Variants in STARD13 observed in about 807,000 individuals in gnomAD.
STARD13 encodes StAR related lipid transfer domain containing 13.
Under a neutral mutation model 106.4 loss-of-function variants are expected in STARD13, and 62 were observed. That is an observed-to-expected ratio of 0.58 (90% CI 0.48 to 0.72). STARD13 has a LOEUF of 0.72. Ranked by LOEUF, STARD13 falls within the 30% of genes least tolerant of loss-of-function variation. The pLI, the probability that STARD13 is intolerant of heterozygous loss-of-function variation, is 0.00. For synonymous variants in STARD13, 565 were observed against 553.0 expected, an observed-to-expected ratio of 1.02 and a Z score of -0.31; for missense variants, 1,387 against 1,424.0, an observed-to-expected ratio of 0.97 and a Z score of 0.42.
chr13:33,632,858 G>A, the STARD13 span, among the ~76,000 whole-genome samples: 6 of 149,602 alleles, frequency 4.0e-5, no homozygotes, highest in African/African-American at 9.9e-5. Context: ...TAAGCAAGAC[G>A]TAATTTCTTT....
chr13:33,377,988 TA>T, the STARD13 span, among the ~76,000 whole-genome samples: 2 of 152,184 alleles, frequency 1.3e-5, no homozygotes, highest in African/African-American at 2.4e-5. Flanking sequence ...GGTAATTTCT[TA>T]GTGGCTGGAT....
intron 4 of STARD13, among the ~76,000 whole-genome samples, chr13:33,142,076 T>G (rs1879906217): frequency 6.6e-6 from 1 of 152,140 alleles, no homozygotes; most frequent in African/African-American, 2.4e-5. Context: ...TCACCCAGGT[T>G]GAAGTGCAGT....
the STARD13 span, among the ~76,000 whole-genome samples, chr13:33,519,144 G>T: frequency 6.6e-6 from 1 of 151,996 alleles, no homozygotes; most frequent in African/African-American, 2.4e-5. Context: ...TCTTCAGCAA[G>T]AATCCTCTCA....
the STARD13 span, among the ~76,000 whole-genome samples, chr13:33,525,116 G>A: frequency 1.0e-3 from 154 of 152,036 alleles, 1 homozygote; most frequent in African/African-American, 3.6e-3. Context: ...TAAACTCCCA[G>A]GCTAAAGCAA....
the STARD13 span, among the ~76,000 whole-genome samples, chr13:33,668,970 A>G: frequency 6.6e-6 from 1 of 152,232 alleles, no homozygotes; most frequent in African/African-American, 2.4e-5. Flanking sequence ...CTGACAGGTA[A>G]TACTAATATT....
chr13:33,563,149 G>C, the STARD13 span, among the ~76,000 whole-genome samples: 1 of 146,426 alleles, frequency 6.8e-6, no homozygotes, highest in Admixed American at 7.0e-5. Context: ...AATTAATATT[G>C]TTATGACAAG....
At chr13:33,251,756 A>G (rs892304005) in intron 1 of STARD13, among the ~76,000 whole-genome samples, 2 of 152,224 alleles carry the variant, frequency 1.3e-5, no homozygotes, top group Non-Finnish European at 2.9e-5. Context: ...GGTAAGCTAT[A>G]ATGAAATACA....
chr13:33,499,546 C>CT, the STARD13 span, among the ~76,000 whole-genome samples: 89 of 52,336 alleles, frequency 1.7e-3, 5 homozygotes, highest in Non-Finnish European at 2.8e-3. Flanking sequence ...TCTTCTTCTT[C>CT]TTCTTCTTCT....
At chr13:33,333,010 TA>T (rs2077854585) in intron 1 of STARD13, among the ~76,000 whole-genome samples, 1 of 152,094 alleles carries the variant, frequency 6.6e-6, no homozygotes, top group African/African-American at 2.4e-5. Flanking sequence ...TTAAACTCTA[TA>T]ATAATAATGA....
At chr13:33,400,146 A>G in the STARD13 span, among the ~76,000 whole-genome samples, 1 of 152,050 alleles carries the variant, frequency 6.6e-6, no homozygotes, top group Admixed American at 6.6e-5. Context: ...CCCACTCCCC[A>G]TCCCCTGGTA....
the STARD13 span, among the ~76,000 whole-genome samples, chr13:33,356,862 T>C: frequency 2.6e-5 from 4 of 152,150 alleles, no homozygotes; most frequent in African/African-American, 7.2e-5. Flanking sequence ...GGTACGAGAA[T>C]AGGATTCACA....
At chr13:33,359,911 A>C in the STARD13 span, among the ~76,000 whole-genome samples, 1 of 152,190 alleles carries the variant, frequency 6.6e-6, no homozygotes, top group African/African-American at 2.4e-5. Context: ...CTTATATTTA[A>C]ATCTATCATT....
rs151261161 is a variant in STARD13, at chr13:33,132,126, C to G, written c.388-1837G>C. Among the ~76,000 whole-genome samples the G allele has an allele frequency of 2.8e-3, 421 of 152,270 alleles. 4 individuals are homozygous for G. The highest frequency in any genetic ancestry group is 9.0e-3 in the African/African-American group (373 of 41,552). ...CGTGTAGGTTTGACTAAATGACAAA[C>G]TTGAACATTCAAGTTTAAAGTGAAA... On this transcript the variant is annotated intron_variant, in intron 4 of 13. Transcript: ENST00000336934.
At chr13:33,548,775 C>T in the STARD13 span, among the ~76,000 whole-genome samples, 1 of 151,184 alleles carries the variant, frequency 6.6e-6, no homozygotes, top group African/African-American at 2.4e-5. Flanking sequence ...ACTGCAATGC[C>T]CTGAATATAG....
the STARD13 span, among the ~76,000 whole-genome samples, chr13:33,394,583 G>A: frequency 3.9e-5 from 6 of 152,262 alleles, no homozygotes; most frequent in East Asian, 7.7e-4. Context: ...GAGGATTTAC[G>A]AGGATGTTTA....
At chr13:33,589,486 C>A in the STARD13 span, among the ~76,000 whole-genome samples, 1 of 152,282 alleles carries the variant, frequency 6.6e-6, no homozygotes, top group South Asian at 2.1e-4. Flanking sequence ...CCCAGAGATT[C>A]TGGTATGTTG....
chr13:33,138,671 T>C (rs903635418), intron 4 of STARD13: 1 of 297,176 alleles, frequency 3.4e-6, no homozygotes, highest in East Asian at 1.1e-4. Context: ...AATGGGCCGC[T>C]GGGAATGCCG....
At chr13:33,521,393 G>C in the STARD13 span, among the ~76,000 whole-genome samples, 82 of 152,188 alleles carry the variant, frequency 5.4e-4, 1 homozygote, top group Admixed American at 4.1e-3. Context: ...ATAGTTGAAA[G>C]AATTAGAAGT....
chr13:33,546,871 T>A, the STARD13 span, among the ~76,000 whole-genome samples: 1 of 152,182 alleles, frequency 6.6e-6, no homozygotes, highest in Non-Finnish European at 1.5e-5. Flanking sequence ...GGATAAATTA[T>A]AATAATTCTT....
Sources: allele counts gnomAD v4.1 joint callset (sites outside exome capture counted in the v4.1 genomes callset), GRCh38; gene constraint gnomAD v4.1.1; transcripts MANE v1.5; gene names NCBI Gene and HGNC (gene_info 2026-07-23, HGNC 2026-07-21).